The following GABRA1 variants were observed in gnomAD, a reference collection of about 807,000 sequenced individuals.
GABRA1 encodes the protein gamma-aminobutyric acid receptor subunit alpha-1.
A neutral mutation model predicts 48.9 loss-of-function variants in GABRA1; 9 were observed. That is an observed-to-expected ratio of 0.18 (90% confidence interval 0.11 to 0.32). GABRA1 has a LOEUF of 0.32. GABRA1 is among the 10% of genes least tolerant of loss of function. The pLI, the probability that GABRA1 is intolerant of heterozygous loss-of-function variation, is 1.00. For missense variants in GABRA1, 285 were observed against 553.8 expected (o/e 0.51, Z 4.87); for synonymous variants, 210 against 198.7 (o/e 1.06, Z -0.48).
chr5:161,850,756 C>A (rs1757410254), intron 1 of GABRA1, 40 bp from the exon 2 acceptor site: 1 of 1,538,920 alleles, frequency 6.5e-7, no homozygotes, highest in African/African-American at 1.4e-5. Context: ...CCTGATGTTT[C>A]TTGCTAGAGA....
intron 3 of GABRA1, among the ~76,000 whole-genome samples, chr5:161,856,902 A>G (rs955587552): frequency 6.6e-6 from 1 of 151,264 alleles, no homozygotes; most frequent in Non-Finnish European, 1.5e-5. Flanking sequence ...GCTGGCTGCT[A>G]TTAAGTTGAC....
intron 4 of GABRA1, among the ~76,000 whole-genome samples, chr5:161,868,198 G>A (rs1264128857): frequency 6.6e-6 from 1 of 152,046 alleles, no homozygotes; most frequent in Non-Finnish European, 1.5e-5. Flanking sequence ...TACAGAATGT[G>A]ACTTATATCT....
At chr5:161,869,770 C>T (rs1754028257) in intron 4 of GABRA1, among the ~76,000 whole-genome samples, 1 of 152,132 alleles carries the variant, frequency 6.6e-6, no homozygotes, top group African/African-American at 2.4e-5. Flanking sequence ...ATACTTTTCA[C>T]TTGAGTGGTG....
chr5:161,873,502 G>T (rs1357362240), intron 5 of GABRA1, among the ~76,000 whole-genome samples, 165 bp downstream of exon 5: 1 of 152,066 alleles, frequency 6.6e-6, no homozygotes, highest in Non-Finnish European at 1.5e-5. Context: ...CCTCAGTCAA[G>T]GATGAAGTAT....
At chr5:161,847,932 C>T (rs560080655), upstream of GABRA1, 1 of 152,058 alleles carries the variant, frequency 6.6e-6, no homozygotes, top group South Asian at 2.1e-4. Context: ...GCCGCTCCCC[C>T]CAAAAAGAGA....
intron 8 of GABRA1, among the ~76,000 whole-genome samples, chr5:161,892,648 G>T (rs1038607683): frequency 1.1e-4 from 17 of 151,456 alleles, no homozygotes; most frequent in Admixed American, 7.3e-4. Context: ...GTATGAGTAT[G>T]CCTTTTTCTC....
At position 161,895,891 on chromosome 5, in the gene GABRA1, T is replaced by G. The variant is rs372882201; in HGVS notation, c.1059+23T>G. The stretch of plus-strand genomic sequence containing the variant: ...AAGGTAAATGCTTTAATGGTCACTG[T>G]AGTACATCAATATTATGTCTCTTTA... On this transcript the variant is annotated intron_variant, in intron 9 of 9. Transcript: ENST00000393943. 3.8e-6 allele frequency: 6 copies of G among 1,572,654 alleles called. 1 individual carries two copies. The South Asian group carries it at 4.4e-5, about 12-fold the overall frequency.
intron 7 of GABRA1, among the ~76,000 whole-genome samples, chr5:161,883,619 A>C (rs1754711687): frequency 6.6e-6 from 1 of 152,182 alleles, no homozygotes; most frequent in South Asian, 2.1e-4. Flanking sequence ...TATGTCTTTC[A>C]AAATTTAAGT....
chr5:161,862,628 T>C (rs1757907210), intron 3 of GABRA1, among the ~76,000 whole-genome samples: 1 of 151,942 alleles, frequency 6.6e-6, no homozygotes, highest in Admixed American at 6.6e-5. Context: ...CTAAAGTAAG[T>C]ATGTGGTTTG....
At position 161,888,277 on chromosome 5, in the gene GABRA1, C is replaced by A. The variant is rs138092919; in HGVS notation, c.704-2621C>A. 6.9e-4 allele frequency among the ~76,000 whole-genome samples: 105 copies of A among 152,136 alleles called. 1 individual carries two copies. Among genetic ancestry groups the A allele is most frequent in the African/African-American group, 2.5e-3 (102 of 41,552 alleles). Reference sequence around the variant, plus strand: ...TTTTGTTTTTGTTGTGTTTTTCTTTCATTTTAAAGCTATTACAACATGATT... The same window carrying A: ...TTTTGTTTTTGTTGTGTTTTTCTTTAATTTTAAAGCTATTACAACATGATT... On this transcript the variant is annotated intron_variant, in intron 7 of 9. Transcript: ENST00000393943.
At chr5:161,850,969 G>A in intron 2 of GABRA1, 85 bp downstream of exon 2, 1 of 1,140,342 alleles carries the variant, frequency 8.8e-7, no homozygotes, top group Non-Finnish European at 1.3e-6. Context: ...GTCCTCAAAT[G>A]AATTTATGAC....
At chr5:161,849,753 A>G (rs1757362893) in intron 1 of GABRA1, among the ~76,000 whole-genome samples, 1 of 152,240 alleles carries the variant, frequency 6.6e-6, no homozygotes, top group Admixed American at 6.5e-5. Context: ...ACTGGAATTA[A>G]TTACAGCACA....
In GABRA1 at chr5:161,870,182, C is replaced by A. The variant is rs1241184544; in HGVS notation, c.256-2935C>A. On this transcript the variant is annotated intron_variant, in intron 4 of 9. Transcript: ENST00000393943. ...CAAGCGTAAAATAATTACCTAAGGC[C>A]ACTCAGCAGGTAGGTTCAGAACTTA... Among the ~76,000 whole-genome samples the A allele has an allele frequency of 2.6e-5, 4 of 152,156 alleles. No individual in the cohort carries two copies. In the East Asian group the frequency reaches 7.7e-4, roughly 29 times the overall value.
intron 8 of GABRA1, among the ~76,000 whole-genome samples, chr5:161,893,211 T>C (rs1200955049): frequency 1.3e-5 from 2 of 152,010 alleles, no homozygotes; most frequent in East Asian, 1.9e-4. Flanking sequence ...ATGGTGTATG[T>C]CAAAAAACAT....
intron 6 of GABRA1, among the ~76,000 whole-genome samples, chr5:161,879,436 T>A (rs1449355874): frequency 6.6e-6 from 1 of 152,148 alleles, no homozygotes; most frequent in Non-Finnish European, 1.5e-5. Flanking sequence ...TTTCTAAAAC[T>A]TTTTTGGGGG....
At chr5:161,881,414 G>A (rs1005939333) in intron 6 of GABRA1, among the ~76,000 whole-genome samples, 1 of 152,012 alleles carries the variant, frequency 6.6e-6, no homozygotes, top group Non-Finnish European at 1.5e-5. Context: ...CCTCTAAACT[G>A]TGTAAATTAT....
chr5:161,885,561 C>T (rs116134294), intron 7 of GABRA1, among the ~76,000 whole-genome samples: 12 of 152,254 alleles, frequency 7.9e-5, no homozygotes, highest in African/African-American at 2.9e-4. Flanking sequence ...ATCCTACTGA[C>T]CTCTTTGAGT....
At chr5:161,865,242 T>G (rs113827965) in intron 3 of GABRA1, among the ~76,000 whole-genome samples, 12 of 152,144 alleles carry the variant, frequency 7.9e-5, no homozygotes, top group African/African-American at 2.2e-4. Flanking sequence ...TATGATTTAG[T>G]GCAAGAAAGC....
At position 161,854,152 on chromosome 5, in the gene GABRA1, T is replaced by C; in HGVS notation, c.75-6T>C. ...AGCTATTGCTTCTCTTTATGTTTTT[T>C]TTCAGCTATGGACAGCCGTCATTAC... is the stretch of plus-strand genomic sequence containing the variant. On this transcript the variant is annotated splice_polypyrimidine_tract_variant and splice_region_variant and intron_variant, in intron 2 of 9. Transcript: ENST00000393943. 1 of 1,488,980 alleles carries C rather than the reference T, an allele frequency of 6.7e-7. No individual in the cohort carries two copies. Among genetic ancestry groups the C allele is most frequent in the South Asian group, 1.1e-5 (1 of 87,132 alleles). The allele number at this position is 1,488,980 out of a possible 1,614,324, so 92.2% of individuals were successfully genotyped here. A position where few individuals can be genotyped will look rare whatever the true frequency, so the allele number is the denominator to read the frequency against.
Sources: allele counts gnomAD v4.1 joint callset (sites outside exome capture counted in the v4.1 genomes callset), GRCh38; gene constraint gnomAD v4.1.1; transcripts MANE v1.5; gene names NCBI Gene and HGNC (gene_info 2026-07-23, HGNC 2026-07-21).